The following BAALC variants were observed in gnomAD, a reference collection of about 807,000 sequenced individuals.
BAALC encodes brain and acute leukemia cytoplasmic protein.
A neutral mutation model predicts 15.5 loss-of-function variants in BAALC; 9 were observed. The observed-to-expected ratio is 0.58, with a 90% CI of 0.35 to 1.02. The LOEUF (loss-of-function observed/expected upper bound fraction) is 1.02. Among genes scored for constraint, BAALC ranks in the 50% least tolerant of loss-of-function variants. The pLI is 0.02. For synonymous variants in BAALC, 80 were observed against 74.6 expected (o/e 1.07, Z -0.37); for missense variants, 201 against 192.4 (o/e 1.04, Z -0.27).
chr8:103,213,840 C>A (rs920772074), intron 2 of BAALC, among the ~76,000 whole-genome samples: 3 of 152,144 alleles, frequency 2.0e-5, no homozygotes, highest in African/African-American at 7.2e-5. Flanking sequence ...TCTCCTATCT[C>A]TTCTGTCAAA....
At chr8:103,202,012 CAGT>C (rs1370596118) in intron 1 of BAALC, among the ~76,000 whole-genome samples, 5 of 152,148 alleles carry the variant, frequency 3.3e-5, no homozygotes, top group Non-Finnish European at 5.9e-5. Flanking sequence ...TTTTGGGACA[CAGT>C]AGGCAAAATG....
intron 1 of BAALC, chr8:103,208,114 C>G (rs1812370462): frequency 6.6e-6 from 1 of 152,244 alleles, no homozygotes; most frequent in Non-Finnish European, 1.5e-5. Flanking sequence ...TTGTGTGACT[C>G]ATAAATCAGG....
chr8:103,163,037 T>C (rs931334748), intron 1 of BAALC, among the ~76,000 whole-genome samples: 1 of 152,160 alleles, frequency 6.6e-6, no homozygotes, highest in Non-Finnish European at 1.5e-5. Flanking sequence ...ACCAATTACC[T>C]TGTAAATGGA....
chr8:103,200,371 T>C (rs1812186532), intron 1 of BAALC, among the ~76,000 whole-genome samples: 1 of 152,176 alleles, frequency 6.6e-6, no homozygotes, highest in Non-Finnish European at 1.5e-5. Flanking sequence ...AGGAATATCA[T>C]CTAATTTCTA....
At chr8:103,163,968 C>T (rs1420223062) in intron 1 of BAALC, among the ~76,000 whole-genome samples, 1 of 152,128 alleles carries the variant, frequency 6.6e-6, no homozygotes, top group Non-Finnish European at 1.5e-5. Context: ...TGGGTTTGAG[C>T]TAATGGTGAT....
intron 2 of BAALC, among the ~76,000 whole-genome samples, chr8:103,227,763 CT>C (rs1275984595): frequency 6.6e-6 from 1 of 151,468 alleles, no homozygotes; most frequent in African/African-American, 2.4e-5. Flanking sequence ...TTTTCCTTTC[CT>C]CTTTCCCTTA....
At chr8:103,192,460 A>C (rs1034832024) in intron 1 of BAALC, among the ~76,000 whole-genome samples, 3 of 152,222 alleles carry the variant, frequency 2.0e-5, no homozygotes, top group Admixed American at 6.5e-5. Context: ...CTTCTCATTT[A>C]GATTGTGGCT....
At chr8:103,196,403 C>T (rs1812099130) in intron 1 of BAALC, among the ~76,000 whole-genome samples, 1 of 152,258 alleles carries the variant, frequency 6.6e-6, no homozygotes, top group Admixed American at 6.5e-5. Flanking sequence ...ACCTCAGCCT[C>T]CCAAATAGCT....
chr8:103,176,517 T>A (rs1811610186), intron 1 of BAALC, among the ~76,000 whole-genome samples: 1 of 151,354 alleles, frequency 6.6e-6, no homozygotes, highest in Non-Finnish European at 1.5e-5. Context: ...AAGCCCTTCC[T>A]GAAGAAGGGA....
At chr8:103,150,935 G>A (rs1341407459) in intron 1 of BAALC, among the ~76,000 whole-genome samples, 2 of 152,010 alleles carry the variant, frequency 1.3e-5, no homozygotes, top group African/African-American at 4.8e-5. Context: ...CGGGTCCCTG[G>A]GCCTCAACCT....
chr8:103,219,739 G>A (rs931585849), intron 2 of BAALC, among the ~76,000 whole-genome samples: 1 of 152,164 alleles, frequency 6.6e-6, no homozygotes, highest in Non-Finnish European at 1.5e-5. Flanking sequence ...CATTAATGCC[G>A]TACAAATTCA....
At chr8:103,167,207 T>G (rs1167008365) in intron 1 of BAALC, among the ~76,000 whole-genome samples, 1 of 152,222 alleles carries the variant, frequency 6.6e-6, no homozygotes, top group Non-Finnish European at 1.5e-5. Flanking sequence ...GACAGGGCAG[T>G]GGCCTTACCC....
At chr8:103,186,026 A>T (rs920755328) in intron 1 of BAALC, among the ~76,000 whole-genome samples, 2 of 152,122 alleles carry the variant, frequency 1.3e-5, no homozygotes, top group Non-Finnish European at 2.9e-5. Flanking sequence ...CACATTGCCC[A>T]TTTCCACACC....
chr8:103,180,203 A>T (rs777356774), intron 1 of BAALC, among the ~76,000 whole-genome samples: 6 of 152,308 alleles, frequency 3.9e-5, no homozygotes, highest in African/African-American at 1.4e-4. Context: ...TGAGATGGAG[A>T]AATTAAGACA....
chr8:103,213,153 C>T, intron 2 of BAALC, 68 bp downstream of exon 2: 1 of 1,524,808 alleles, frequency 6.6e-7, no homozygotes, highest in Admixed American at 1.8e-5. Flanking sequence ...CAGGGCAGAG[C>T]CACCCAGCCG....
At chr8:103,188,986 G>A (rs1373646236) in intron 1 of BAALC, among the ~76,000 whole-genome samples, 2 of 152,108 alleles carry the variant, frequency 1.3e-5, no homozygotes, top group African/African-American at 4.8e-5. Context: ...TTTGACATAT[G>A]CAATACTATT....
At chr8:103,213,789 C>A (rs1194360298) in intron 2 of BAALC, among the ~76,000 whole-genome samples, 1 of 152,138 alleles carries the variant, frequency 6.6e-6, no homozygotes, top group African/African-American at 2.4e-5. Flanking sequence ...TGCCCCACCC[C>A]CTTCAAAATC....
chr8:103,192,147 G>T (rs1811983956), intron 1 of BAALC, among the ~76,000 whole-genome samples: 1 of 152,144 alleles, frequency 6.6e-6, no homozygotes, highest in Non-Finnish European at 1.5e-5. Flanking sequence ...TGCCTCCCGG[G>T]TTCAAGCGAT....
At chr8:103,149,788 GGGCAAATATACTTGAATTCA>G (rs1342499710) in intron 1 of BAALC, among the ~76,000 whole-genome samples, 1 of 152,098 alleles carries the variant, frequency 6.6e-6, no homozygotes, top group Non-Finnish European at 1.5e-5. Flanking sequence ...TTTCAATACT[GGGCAAATATACTTGAATTCA>G]GGCAAATTAC....
Sources: allele counts gnomAD v4.1 joint callset (sites outside exome capture counted in the v4.1 genomes callset), GRCh38; gene constraint gnomAD v4.1.1; transcripts MANE v1.5; gene names NCBI Gene and HGNC (gene_info 2026-07-23, HGNC 2026-07-21).